Variants in MVB12B observed in about 807,000 individuals in gnomAD.
MVB12B encodes the protein multivesicular body subunit 12B.
In MVB12B, 16 loss-of-function variants were observed where a neutral mutation model predicts 41.6. That is an observed-to-expected ratio of 0.38 (90% confidence interval 0.26 to 0.58). The LOEUF (loss-of-function observed/expected upper bound fraction) is 0.58. Ranked by LOEUF, MVB12B falls within the 20% of genes least tolerant of loss-of-function variation. The pLI is 0.62. For missense variants in MVB12B, 274 were observed against 380.2 expected (o/e 0.72, Z 2.32); for synonymous variants, 133 against 139.7 (o/e 0.95, Z 0.34).
chr9:126,482,188 TG>T (rs1564346829), intron 8 of MVB12B, among the ~76,000 whole-genome samples: 1 of 140,342 alleles, frequency 7.1e-6, no homozygotes, highest in Admixed American at 7.2e-5. Flanking sequence ...AAGGTGGCAG[TG>T]GCCCCCTCCC....
intron 3 of MVB12B, 135 bp downstream of exon 3, chr9:126,381,306 G>A (rs908721232): frequency 7.5e-6 from 5 of 662,580 alleles, no homozygotes; most frequent in Non-Finnish European, 1.3e-5. Flanking sequence ...TAGTGAACTG[G>A]GTAGAATCAG....
intron 6 of MVB12B, among the ~76,000 whole-genome samples, chr9:126,416,732 T>C (rs1831837813): frequency 6.6e-6 from 1 of 152,190 alleles, no homozygotes; most frequent in Non-Finnish European, 1.5e-5. Context: ...TTTCCTATTC[T>C]GTTAAATGAG....
chr9:126,475,000 G>A (rs946908586), intron 7 of MVB12B, among the ~76,000 whole-genome samples: 4 of 152,154 alleles, frequency 2.6e-5, no homozygotes, highest in African/African-American at 4.8e-5. Flanking sequence ...ATGATGCTCC[G>A]TTTAAATAGT....
At chr9:126,350,255 G>A (rs2118856393) in intron 2 of MVB12B, among the ~76,000 whole-genome samples, 1 of 152,236 alleles carries the variant, frequency 6.6e-6, no homozygotes, top group Non-Finnish European at 1.5e-5. Flanking sequence ...TGTTGGATAT[G>A]TGGTTTCCAA....
chr9:126,437,395 A>T (rs946105675), intron 7 of MVB12B, among the ~76,000 whole-genome samples: 1 of 152,106 alleles, frequency 6.6e-6, no homozygotes. Flanking sequence ...CTGATATTAG[A>T]CTCCTTATTA....
At chr9:126,496,455 G>A (rs1367863891) in intron 9 of MVB12B, among the ~76,000 whole-genome samples, 3 of 26,840 alleles carry the variant, frequency 1.1e-4, no homozygotes, top group East Asian at 1.1e-3. Context: ...CCCACCCACC[G>A]CTACCCACCC....
intron 7 of MVB12B, among the ~76,000 whole-genome samples, chr9:126,477,236 T>A (rs1833441335): frequency 6.6e-6 from 1 of 152,168 alleles, no homozygotes; most frequent in Admixed American, 6.5e-5. Context: ...CTCACTACCG[T>A]GAGAACAGCA....
intron 9 of MVB12B, among the ~76,000 whole-genome samples, chr9:126,502,102 C>T (rs1409850864): frequency 6.6e-6 from 1 of 152,196 alleles, no homozygotes; most frequent in Non-Finnish European, 1.5e-5. Context: ...ACTGCTAAAA[C>T]TTTTCAAATA....
At chr9:126,352,731 G>A (rs1458612735) in intron 2 of MVB12B, among the ~76,000 whole-genome samples, 2 of 152,142 alleles carry the variant, frequency 1.3e-5, no homozygotes, top group Non-Finnish European at 2.9e-5. Context: ...GAAGATTAGG[G>A]AAAAGTATAT....
intron 2 of MVB12B, among the ~76,000 whole-genome samples, chr9:126,343,805 T>C (rs959047076): frequency 6.6e-6 from 1 of 152,194 alleles, no homozygotes; most frequent in African/African-American, 2.4e-5. Flanking sequence ...TAATCCCAGC[T>C]ACTCGTGAGA....
At chr9:126,387,317 T>G (rs1475563146) in intron 4 of MVB12B, among the ~76,000 whole-genome samples, 6 of 152,206 alleles carry the variant, frequency 3.9e-5, no homozygotes, top group Non-Finnish European at 7.3e-5. Context: ...TTACCTTGTT[T>G]CATTTTTAAT....
At position 126,427,901 on chromosome 9, in the gene MVB12B, A is replaced by G. The variant is rs560837278; in HGVS notation, c.757+5953A>G. On this transcript the variant is annotated intron_variant, in intron 7 of 9. Transcript: ENST00000361171. Reference sequence around the variant, plus strand: ...TCCCAGGACAGAAGCTGTAACCTGAATCTATCCTGGCAGACTGGGGTGTAT... The same window carrying G: ...TCCCAGGACAGAAGCTGTAACCTGAGTCTATCCTGGCAGACTGGGGTGTAT... Among the ~76,000 whole-genome samples, 4 of 151,988 alleles carry G rather than the reference A, an allele frequency of 2.6e-5. No homozygotes were observed. The South Asian group carries it at 6.2e-4, about 24-fold the overall frequency.
At position 126,340,229 on chromosome 9, in the gene MVB12B, C is replaced by T. The variant is rs1456943979; in HGVS notation, c.82-279C>T. On this transcript the variant is annotated intron_variant, in intron 1 of 9. Coordinates refer to ENST00000361171, the MANE Select transcript of MVB12B (RefSeq NM_033446.3). This position sits in a 1 kb window ranked among gnomAD's most constrained non-coding sequence, Gnocchi z 4.0. Reference sequence around the variant, plus strand: ...AGCTGGATGGCGGAGTTAAGAATGACGTGCTCTTGGGTTTGAGTCAAGCTC... The same window carrying T: ...AGCTGGATGGCGGAGTTAAGAATGATGTGCTCTTGGGTTTGAGTCAAGCTC... 6.6e-6 allele frequency among the ~76,000 whole-genome samples: 1 copy of T among 152,044 alleles called. No individual in the cohort carries two copies. Among genetic ancestry groups the T allele is most frequent in the African/African-American group, 2.4e-5 (1 of 41,414 alleles).
chr9:126,473,713 A>G lies in MVB12B; in HGVS notation c.758-7656A>G, dbSNP rs1833368079. Among the ~76,000 whole-genome samples the G allele has an allele frequency of 6.6e-6, 1 of 152,156 alleles. No homozygotes were observed. The highest frequency in any genetic ancestry group is 6.5e-5 in the Admixed American group (1 of 15,268). On this transcript the variant is annotated intron_variant, in intron 7 of 9. Coordinates refer to ENST00000361171, the MANE Select transcript of MVB12B (RefSeq NM_033446.3). This position sits in a 1 kb window ranked among gnomAD's most constrained non-coding sequence, Gnocchi z 4.0. The stretch of plus-strand genomic sequence containing the variant: ...CCACGGGGAAGCTGCTAAACCATCC[A>G]CAAGAAATCCTCTCCCCACATAGCT...
Position 126,340,466 on chromosome 9 carries a change from T to C in MVB12B, c.82-42T>C, listed in dbSNP as rs1829413632. 10 of 1,609,102 alleles carry C rather than the reference T, an allele frequency of 6.2e-6. No individual in the cohort carries two copies. Among genetic ancestry groups the C allele is most frequent in the Non-Finnish European group, 8.5e-6 (10 of 1,177,018 alleles). ...GACTTTATATTATTCACATAAATGC[T>C]ATGTTTGAATTTTGTGTTTTCTTTT... On this transcript the variant is annotated intron_variant, in intron 1 of 9. Transcript: ENST00000361171. The surrounding 1 kb of genome is among the most constrained non-coding windows in gnomAD (Gnocchi z 4.0).
At chr9:126,342,343 A>T (rs1829468665) in intron 2 of MVB12B, among the ~76,000 whole-genome samples, 1 of 151,998 alleles carries the variant, frequency 6.6e-6, no homozygotes, top group South Asian at 2.1e-4. Flanking sequence ...TTCCGTTTGT[A>T]CCTTTAGGGT....
intron 6 of MVB12B, chr9:126,397,665 G>A: frequency 1.0e-6 from 1 of 984,144 alleles, no homozygotes; most frequent in Non-Finnish European, 1.2e-6. Context: ...TTTACAGGTA[G>A]GATGCACACC....
At chr9:126,458,107 C>T (rs1014742268) in intron 7 of MVB12B, among the ~76,000 whole-genome samples, 1 of 152,162 alleles carries the variant, frequency 6.6e-6, no homozygotes, top group Non-Finnish European at 1.5e-5. Context: ...AGGTCCCTGC[C>T]AGGTCTCTGC....
At chr9:126,433,058 C>T (rs759541527) in intron 7 of MVB12B, among the ~76,000 whole-genome samples, 80 of 152,240 alleles carry the variant, frequency 5.3e-4, no homozygotes, top group African/African-American at 1.7e-3. Flanking sequence ...CTGGGCAAAA[C>T]AGTGAAGGTG....
Sources: gnomAD v4.1 joint callset for allele counts (sites outside exome capture counted in the v4.1 genomes callset) on GRCh38, gnomAD v4.1.1 for gene constraint, Gnocchi (gnomAD v3.1) non-coding constraint, MANE v1.5 for transcripts, NCBI Gene and HGNC (gene_info 2026-07-23, HGNC 2026-07-21) for gene names.